NCKAP5: variants seen among roughly 807,000 people sequenced by gnomAD.
NCKAP5 encodes the protein NCK associated protein 5.
In NCKAP5, 92 loss-of-function variants were observed where a neutral mutation model predicts 167.0. The ratio of observed to expected loss-of-function variants is 0.55; its 90% CI spans 0.47 to 0.66. The LOEUF (loss-of-function observed/expected upper bound fraction) is 0.66, where lower values mean the gene tolerates loss of function less well. Among genes scored for constraint, NCKAP5 ranks in the 30% least tolerant of loss-of-function variants. NCKAP5 has a pLI of 0.00. For synonymous variants in NCKAP5, 891 were observed against 877.4 expected, an observed-to-expected ratio of 1.02 and a Z score of -0.27; for missense variants, 2,378 against 2,315.0, an observed-to-expected ratio of 1.03 and a Z score of -0.56.
chr2:133,631,649 G>A, the NCKAP5 span, among the ~76,000 whole-genome samples: 1 of 152,178 alleles, frequency 6.6e-6, no homozygotes, highest in Non-Finnish European at 1.5e-5. Flanking sequence ...TCTATGTTGA[G>A]TTTGATACAA....
chr2:133,656,630 T>C, the NCKAP5 span, among the ~76,000 whole-genome samples: 3 of 152,222 alleles, frequency 2.0e-5, no homozygotes, highest in South Asian at 2.1e-4. Flanking sequence ...CAGACAGAGA[T>C]GGCATTTGTA....
At chr2:133,134,552 G>A (rs955341869) in intron 5 of NCKAP5, among the ~76,000 whole-genome samples, 1 of 152,206 alleles carries the variant, frequency 6.6e-6, no homozygotes, top group Admixed American at 6.5e-5. Context: ...TCCAAAACAA[G>A]AGTGGAATTC....
chr2:133,050,875 G>T (rs776869646), intron 6 of NCKAP5, among the ~76,000 whole-genome samples: 1 of 152,024 alleles, frequency 6.6e-6, no homozygotes, highest in Non-Finnish European at 1.5e-5. Context: ...TCTTTGTCTC[G>T]ATTTTATCAC....
chr2:133,162,602 A>C (rs2083839448), intron 5 of NCKAP5, among the ~76,000 whole-genome samples: 2 of 152,202 alleles, frequency 1.3e-5, no homozygotes. Context: ...GTCACCTATT[A>C]CTTGGATCAA....
chr2:133,103,730 T>C (rs575931111), intron 6 of NCKAP5, among the ~76,000 whole-genome samples: 70 of 152,294 alleles, frequency 4.6e-4, no homozygotes, highest in African/African-American at 1.5e-3. Context: ...CGGTGAACTA[T>C]GATTACACTG....
the NCKAP5 span, among the ~76,000 whole-genome samples, chr2:133,625,491 T>C: frequency 3.3e-5 from 5 of 152,058 alleles, no homozygotes; most frequent in Admixed American, 6.6e-5. Context: ...GCCTGGGCCA[T>C]CTTGTCATAC....
At chr2:132,997,804 G>GAAA (rs200708394) in intron 6 of NCKAP5, among the ~76,000 whole-genome samples, 2 of 148,316 alleles carry the variant, frequency 1.3e-5, no homozygotes, top group Admixed American at 6.7e-5. Context: ...AAGCTTATGT[G>GAAA]AAAAAAAAAA....
At chr2:133,354,659 C>A (rs1257758128) in intron 3 of NCKAP5, among the ~76,000 whole-genome samples, 1 of 152,152 alleles carries the variant, frequency 6.6e-6, no homozygotes, top group Non-Finnish European at 1.5e-5. Context: ...TAACAGAATA[C>A]CTCTACCAAA....
At chr2:133,125,695 G>C (rs2082382091) in intron 6 of NCKAP5, among the ~76,000 whole-genome samples, 1 of 152,134 alleles carries the variant, frequency 6.6e-6, no homozygotes, top group South Asian at 2.1e-4. Flanking sequence ...AACTGTGAAG[G>C]CTTAATTTGC....
intron 4 of NCKAP5, among the ~76,000 whole-genome samples, chr2:133,290,025 C>A (rs1403815646): frequency 6.6e-6 from 1 of 152,174 alleles, no homozygotes; most frequent in African/African-American, 2.4e-5. Context: ...GCCCCTCCTC[C>A]AATTCTGGGG....
At chr2:133,081,833 C>T (rs2080819681) in intron 6 of NCKAP5, among the ~76,000 whole-genome samples, 1 of 152,112 alleles carries the variant, frequency 6.6e-6, no homozygotes, top group Non-Finnish European at 1.5e-5. Context: ...CATCTGCCAT[C>T]AGATTACCCA....
intron 7 of NCKAP5, among the ~76,000 whole-genome samples, chr2:132,973,939 G>T (rs1330869276): frequency 6.6e-6 from 1 of 152,052 alleles, no homozygotes; most frequent in South Asian, 2.1e-4. Context: ...GCTCTTGGTT[G>T]CAAGGCCTTA....
At chr2:133,566,473 A>G (rs187921704) in intron 1 of NCKAP5, among the ~76,000 whole-genome samples, 9 of 152,348 alleles carry the variant, frequency 5.9e-5, no homozygotes, top group Non-Finnish European at 5.9e-5. Context: ...AGTGAAAACA[A>G]TGAGGAACAG....
intron 15 of NCKAP5, among the ~76,000 whole-genome samples, chr2:132,774,765 G>T (rs764805432): frequency 6.6e-5 from 10 of 152,136 alleles, no homozygotes; most frequent in Non-Finnish European, 1.5e-5. Flanking sequence ...CTTACATACT[G>T]GGCAGGTGCT....
intron 5 of NCKAP5, among the ~76,000 whole-genome samples, chr2:133,141,382 C>T (rs1337758511): frequency 6.6e-6 from 1 of 151,300 alleles, no homozygotes; most frequent in African/African-American, 2.4e-5. Flanking sequence ...TTTGTTCGCC[C>T]TACTAGACTG....
At chr2:132,741,159 G>T (rs1679151536) in intron 16 of NCKAP5, among the ~76,000 whole-genome samples, 1 of 151,802 alleles carries the variant, frequency 6.6e-6, no homozygotes, top group Non-Finnish European at 1.5e-5. Context: ...GCTTCTTCTT[G>T]TCACTAATAC....
At chr2:132,963,990 T>G in intron 7 of NCKAP5, 121 bp from the exon 8 acceptor site, 2 of 1,139,588 alleles carry the variant, frequency 1.8e-6, no homozygotes, top group Non-Finnish European at 2.5e-6. Context: ...GGGAGTTTGC[T>G]AAACAAATTC....
the NCKAP5 span, among the ~76,000 whole-genome samples, chr2:133,654,122 A>G: frequency 6.6e-6 from 1 of 152,116 alleles, no homozygotes; most frequent in Non-Finnish European, 1.5e-5. Flanking sequence ...GCTGGCTCAC[A>G]TCTGTAATCT....
chr2:132,833,386 T>C (rs1687656173), intron 11 of NCKAP5, among the ~76,000 whole-genome samples: 2 of 152,130 alleles, frequency 1.3e-5, no homozygotes, highest in South Asian at 4.2e-4. Flanking sequence ...GGTTTCTTTG[T>C]CTATTTTTTG....
Sources: gnomAD v4.1 joint callset for allele counts (sites outside exome capture counted in the v4.1 genomes callset) on GRCh38, gnomAD v4.1.1 for gene constraint, MANE v1.5 for transcripts, NCBI Gene and HGNC (gene_info 2026-07-23, HGNC 2026-07-21) for gene names.